The following TMEM120B variants were observed in gnomAD, a reference collection of about 807,000 sequenced individuals.
TMEM120B encodes the protein transmembrane protein 120B.
Under a neutral mutation model 55.5 loss-of-function variants are expected in TMEM120B, and 31 were observed. The ratio of observed to expected loss-of-function variants is 0.56; its 90% CI spans 0.42 to 0.75. The LOEUF (loss-of-function observed/expected upper bound fraction) is 0.75, where lower values mean the gene tolerates loss of function less well. Ranked by LOEUF, TMEM120B falls within the 30% of genes least tolerant of loss-of-function variation. TMEM120B has a pLI of 0.00. For synonymous variants in TMEM120B, 203 were observed against 176.3 expected, an observed-to-expected ratio of 1.15 and a Z score of -1.20; for missense variants, 399 against 425.5, an observed-to-expected ratio of 0.94 and a Z score of 0.55.
rs1028521868 is a variant in TMEM120B, at chr12:121,777,669, T to G, written c.*1947T>G. 1 of 152,274 alleles carries G rather than the reference T, an allele frequency of 6.6e-6. No individual in the cohort carries two copies. The highest frequency in any genetic ancestry group is 1.5e-5 in the Non-Finnish European group (1 of 68,060). The allele number at this position is 152,274 out of a possible 1,614,324, so 9.4% of individuals were successfully genotyped here. A position where few individuals can be genotyped will look rare whatever the true frequency, so the allele number is the denominator to read the frequency against. On this transcript the variant is annotated 3_prime_UTR_variant, in exon 12 of 12. Transcript: ENST00000449592. The stretch of plus-strand genomic sequence containing the variant: ...TGTAAAGGGCCAGATGGCAACTATT[T>G]TGAGCTTTATGGGCCAGGTGGTTTG...
rs1257950825 is a variant in TMEM120B, at chr12:121,755,634, A to C, written c.461+3411A>C. Among the ~76,000 whole-genome samples the C allele has an allele frequency of 4.6e-5, 7 of 152,204 alleles. 1 individual carries two copies. Among genetic ancestry groups the C allele is most frequent in the African/African-American group, 1.7e-4 (7 of 41,456 alleles). On this transcript the variant is annotated intron_variant, in intron 5 of 11. Transcript: ENST00000449592. ...TTGGCCCAGAAGAGACCCCCAAGAC[A>C]AGCATTTTAGTGCCAGTAGTTTATT... is the stretch of plus-strand genomic sequence containing the variant.
chr12:121,717,275 C>T (rs1034029522), intron 1 of TMEM120B, among the ~76,000 whole-genome samples: 97 of 152,310 alleles, frequency 6.4e-4, no homozygotes, highest in African/African-American at 2.3e-3. Flanking sequence ...AAGAAGGTGG[C>T]CCGTAGCAGC....
At chr12:121,720,386 A>G (rs1416316402) in intron 1 of TMEM120B, among the ~76,000 whole-genome samples, 1 of 152,068 alleles carries the variant, frequency 6.6e-6, no homozygotes, top group Non-Finnish European at 1.5e-5. Context: ...CTGAAAGTCT[A>G]TTTGAAGTTG....
At chr12:121,742,551 G>A (rs1177339530) in intron 1 of TMEM120B, among the ~76,000 whole-genome samples, 1 of 152,120 alleles carries the variant, frequency 6.6e-6, no homozygotes, top group Non-Finnish European at 1.5e-5. Flanking sequence ...TTTGGTACAT[G>A]TGCTGCCAAA....
chr12:121,759,662 A>C (rs1873605435), intron 5 of TMEM120B, among the ~76,000 whole-genome samples: 1 of 150,918 alleles, frequency 6.6e-6, no homozygotes, highest in African/African-American at 2.4e-5. Context: ...TGGGTGAAAG[A>C]GTGAAACTCC....
At chr12:121,743,823 G>T in intron 2 of TMEM120B, 76 bp downstream of exon 2, 1 of 1,086,896 alleles carries the variant, frequency 9.2e-7, no homozygotes. Context: ...CTGAAGCAGA[G>T]AATGGAAATC....
chr12:121,729,891 A>G (rs1271489067), intron 1 of TMEM120B, among the ~76,000 whole-genome samples: 1 of 152,186 alleles, frequency 6.6e-6, no homozygotes, highest in Non-Finnish European at 1.5e-5. Flanking sequence ...GAAGCAACCC[A>G]TCTTCCATCC....
intron 5 of TMEM120B, among the ~76,000 whole-genome samples, chr12:121,760,523 T>C (rs1873642924): frequency 6.6e-6 from 1 of 152,184 alleles, no homozygotes; most frequent in Admixed American, 6.5e-5. Flanking sequence ...GCACACATGC[T>C]CACTTGAGGC....
intron 3 of TMEM120B, 128 bp downstream of exon 3, chr12:121,748,570 G>A (rs1436862996): frequency 3.2e-6 from 2 of 629,014 alleles, no homozygotes; most frequent in African/African-American, 3.7e-5. Flanking sequence ...AAGGGCAGGA[G>A]AGATAAGGAG....
chr12:121,731,693 C>T (rs142785348), intron 1 of TMEM120B, among the ~76,000 whole-genome samples: 29 of 152,298 alleles, frequency 1.9e-4, no homozygotes, highest in African/African-American at 6.3e-4. Context: ...TTTCTTAGAA[C>T]GATCCTGTTT....
At chr12:121,729,639 GAAAAA>G (rs780158144) in intron 1 of TMEM120B, among the ~76,000 whole-genome samples, 11 of 132,246 alleles carry the variant, frequency 8.3e-5, no homozygotes, top group Non-Finnish European at 1.8e-4. Flanking sequence ...ATCTCTACAA[GAAAAA>G]AAAAAAAAAG....
At position 121,743,641 on chromosome 12, in the gene TMEM120B, AT is replaced by A. The variant is rs1247564706; in HGVS notation, c.83del (p.Ile28ThrfsTer30). 3 of 1,613,366 alleles carry A rather than the reference AT, an allele frequency of 1.9e-6. No homozygotes were observed. The Admixed American group carries it at 5.0e-5, about 27-fold the overall frequency. Reference sequence around the variant, plus strand: ...CCCTGTTCTTCAGGAGACGCACAGGATCTACAAGCAGAAGCTGGAGGAGCTG... The same window carrying A: ...CCCTGTTCTTCAGGAGACGCACAGGACTACAAGCAGAAGCTGGAGGAGCTG... The part of the protein sequence containing the change: ...EFQELQETHR[I>X]YKQKLEELAA... On this transcript the variant is annotated frameshift_variant, in exon 2 of 12. Coordinates refer to ENST00000449592, the MANE Select transcript of TMEM120B (RefSeq NM_001080825.2). LOFTEE classifies it high-confidence loss of function.
intron 6 of TMEM120B, among the ~76,000 whole-genome samples, chr12:121,762,553 C>G (rs1873714606): frequency 6.6e-6 from 1 of 152,196 alleles, no homozygotes; most frequent in Admixed American, 6.5e-5. Flanking sequence ...GATTGCAGTG[C>G]TGTGACTGGC....
intron 1 of TMEM120B, among the ~76,000 whole-genome samples, chr12:121,736,860 G>A (rs543941977): frequency 2.0e-5 from 3 of 152,114 alleles, no homozygotes; most frequent in South Asian, 4.2e-4. Context: ...GTTTCTTTAC[G>A]TACATGTCTG....
chr12:121,776,656 G>A lies in TMEM120B; in HGVS notation c.*934G>A, dbSNP rs1874258541. Reference sequence around the variant, plus strand: ...GGGAGGCAGAGAGGCCACCAGGTTTGGCTGAGTGCTCTGCCCCACCATTCA... The same window carrying A: ...GGGAGGCAGAGAGGCCACCAGGTTTAGCTGAGTGCTCTGCCCCACCATTCA... On this transcript the variant is annotated 3_prime_UTR_variant, in exon 12 of 12. Transcript: ENST00000449592. 1 of 152,262 alleles carries A rather than the reference G, an allele frequency of 6.6e-6. No homozygotes were observed. Among genetic ancestry groups the A allele is most frequent in the Non-Finnish European group, 1.5e-5 (1 of 68,080 alleles). 9.4% of individuals were successfully genotyped at this position (152,262 alleles called of 1,614,324 possible).
chr12:121,751,015 A>C, intron 4 of TMEM120B, among the ~76,000 whole-genome samples: 1 of 79,880 alleles, frequency 1.3e-5, no homozygotes, highest in Non-Finnish European at 2.3e-5. Flanking sequence ...TTCACACCCC[A>C]CACCCAACAC....
chr12:121,776,056 C>T lies in TMEM120B; in HGVS notation c.*334C>T, dbSNP rs1874235845. ...TCTGTTCCCACTCCTGTCATTTGAA[C>T]CCCTCTGGGTGGGGTTTGGATGTGC... On this transcript the variant is annotated 3_prime_UTR_variant, in exon 12 of 12. Transcript: ENST00000449592. The T allele has an allele frequency of 1.7e-6, 1 of 573,492 alleles. No homozygotes were observed. The highest frequency in any genetic ancestry group is 3.1e-6 in the Non-Finnish European group (1 of 324,082). 35.5% of individuals were successfully genotyped at this position (573,492 alleles called of 1,614,324 possible). A position where few individuals can be genotyped will look rare whatever the true frequency, so the allele number is the denominator to read the frequency against.
intron 6 of TMEM120B, among the ~76,000 whole-genome samples, chr12:121,762,200 G>A (rs1449640556): frequency 2.6e-5 from 4 of 151,572 alleles, no homozygotes; most frequent in Non-Finnish European, 5.9e-5. Context: ...GTGAACCCAG[G>A]AGGCAGAGGT....
intron 1 of TMEM120B, among the ~76,000 whole-genome samples, chr12:121,727,873 CAAAAAAA>C (rs10710244): frequency 1.2e-5 from 1 of 80,586 alleles, no homozygotes; most frequent in African/African-American, 5.1e-5. Context: ...CACTCCATCT[CAAAAAAA>C]AAAAAAAAAA....
Sources: gnomAD v4.1 joint callset for allele counts (sites outside exome capture counted in the v4.1 genomes callset) on GRCh38, gnomAD v4.1.1 for gene constraint, MANE v1.5 for transcripts, NCBI Gene and HGNC (gene_info 2026-07-23, HGNC 2026-07-21) for gene names.